The following UFC1 variants were observed in gnomAD, a reference collection of about 807,000 sequenced individuals.
UFC1 encodes the protein ubiquitin-fold modifier-conjugating enzyme 1.
Under a neutral mutation model 28.0 loss-of-function variants are expected in UFC1, and 22 were observed. That is an observed-to-expected ratio of 0.78 (90% CI 0.56 to 1.12). The LOEUF is 1.12. Ranked by LOEUF, UFC1 falls within the 50% of genes most tolerant of loss-of-function variation. The probability of loss-of-function intolerance (pLI) is 0.00; values close to 1 mark genes in which losing one functional copy is unlikely to be tolerated. For synonymous variants in UFC1, 61 were observed against 74.5 expected (o/e 0.82, Z 0.93); for missense variants, 189 against 207.8 (o/e 0.91, Z 0.56).
At position 161,154,064 on chromosome 1, in the gene UFC1, C is replaced by T; in HGVS notation, c.67C>T (p.Arg23Ter). The change falls in exon 1 of 6, where the codon CGA (arginine) becomes TGA (stop). Residue 23 changes from arginine (R) to a stop codon, truncating the protein, a stop_gained. Transcript: ENST00000368003. LOFTEE classifies it high-confidence loss of function. ...IPVLKTNAGP[R>*]DRELWVQRLK... ...GGTGCTGAAGACTAACGCCGGACCC[C>T]GAGATCGTGAGTTGTGGGTGCAGCG... is the stretch of plus-strand genomic sequence containing the variant. 2 of 1,614,086 alleles carry T rather than the reference C, an allele frequency of 1.2e-6. No homozygotes were observed. The highest frequency in any genetic ancestry group is 1.7e-6 in the Non-Finnish European group (2 of 1,180,026).
Position 161,158,486 on chromosome 1 carries a change from C to T in UFC1, c.498C>T (p.Asn166=), listed in dbSNP as rs1306545583. The change falls in exon 6 of 6, where the codon AAC becomes AAT. Residue 166 remains asparagine (N), a synonymous_variant. Coordinates refer to ENST00000368003, the MANE Select transcript of UFC1 (RefSeq NM_016406.4). Reference sequence around the variant, plus strand: ...TCATCCAACACAAAGAGAAATGCAACCAATGAAGAATCAAGCCACTGAGGC... The same window carrying T: ...TCATCCAACACAAAGAGAAATGCAATCAATGAAGAATCAAGCCACTGAGGC... ...KGVIQHKEKC[N]Q 2.0e-5 allele frequency: 33 copies of T among 1,614,032 alleles called. No homozygotes were observed. The highest frequency in any genetic ancestry group is 2.5e-5 in the Non-Finnish European group (30 of 1,180,034).
intron 1 of UFC1, 95 bp from the exon 2 acceptor site, chr1:161,156,842 CAATAAAAATAAAA>C: frequency 2.0e-6 from 2 of 1,012,516 alleles, no homozygotes; most frequent in South Asian, 3.1e-5. Flanking sequence ...GATTCCATCT[CAATAAAAATAAAA>C]AATAAAAAAA....
chr1:161,158,556 C>A lies in UFC1; in HGVS notation c.*64C>A. ...TAGGCTACGATACTATTTTCCTGTGCATCACACTTAACTCATCTAACTGCT... is the reference window on the plus strand; with the variant it reads ...TAGGCTACGATACTATTTTCCTGTGAATCACACTTAACTCATCTAACTGCT... On this transcript the variant is annotated 3_prime_UTR_variant, in exon 6 of 6. Transcript: ENST00000368003. The A allele has an allele frequency of 3.2e-6, 5 of 1,563,896 alleles. No individual in the cohort carries two copies. The Admixed American group carries it at 8.4e-5, about 26-fold the overall frequency.
chr1:161,158,203 G>C lies in UFC1; in HGVS notation c.415G>C (p.Ala139Pro). 2 of 1,614,178 alleles carry C rather than the reference G, an allele frequency of 1.2e-6. No individual in the cohort carries two copies. The highest frequency in any genetic ancestry group is 8.5e-7 in the Non-Finnish European group (1 of 1,180,030). Reference protein sequence around the residue: ...VPKFGLAHLMALGLGPWLAVE... With the variant: ...VPKFGLAHLMPLGLGPWLAVE... ...CAAATTTGGACTAGCTCATCTCATGGCTCTGGGGGTAAGTTTTGTGTATTT... is the reference window on the plus strand; with the variant it reads ...CAAATTTGGACTAGCTCATCTCATGCCTCTGGGGGTAAGTTTTGTGTATTT... Residue 139 changes from alanine (A) to proline (P), a missense_variant, in exon 5 of 6, where the codon GCT (alanine) becomes CCT (proline). Transcript: ENST00000368003.
intron 2 of UFC1, 82 bp from the exon 3 acceptor site, chr1:161,157,172 C>T (rs963348736): frequency 1.3e-6 from 2 of 1,579,880 alleles, no homozygotes; most frequent in African/African-American, 2.7e-5. Context: ...TATGAGTCTC[C>T]CAGGCTGGTG....
chr1:161,154,955 A>G (rs1334080379), intron 1 of UFC1, among the ~76,000 whole-genome samples: 1 of 152,184 alleles, frequency 6.6e-6, no homozygotes, highest in Non-Finnish European at 1.5e-5. Context: ...GCCTGCTTCA[A>G]AGACCAGCAG....
intron 4 of UFC1, 111 bp downstream of exon 4, chr1:161,157,804 TGG>T: frequency 1.1e-6 from 1 of 891,188 alleles, no homozygotes; most frequent in Non-Finnish European, 1.8e-6. Context: ...GCTTGATGTC[TGG>T]GTGATGGGAT....
chr1:161,158,059 G>A lies in UFC1; in HGVS notation c.333-62G>A, dbSNP rs797014678. ...ACTAGTAGTCTTCCTATGCCCCCAA[G>A]AGGCTGCTGTGCTTTATGGTAAACT... On this transcript the variant is annotated intron_variant, in intron 4 of 5. Transcript: ENST00000368003. 5 of 1,408,504 alleles carry A rather than the reference G, an allele frequency of 3.5e-6. No homozygotes were observed. The African/African-American group carries it at 7.1e-5, about 20-fold the overall frequency. 87.3% of individuals were successfully genotyped at this position (1,408,504 alleles called of 1,614,324 possible).
chr1:161,158,475 G>A lies in UFC1; in HGVS notation c.487G>A (p.Glu163Lys). ...TCAGAAGGGCGTCATCCAACACAAA[G>A]AGAAATGCAACCAATGAAGAATCAA... ...LIQKGVIQHK[E>K]KCNQ is the part of the protein sequence containing the mutation. The change falls in exon 6 of 6, where the codon GAG becomes AAG. Residue 163 changes from glutamate to lysine, a missense_variant. Transcript: ENST00000368003. The A allele has an allele frequency of 6.2e-7, 1 of 1,614,204 alleles. No individual in the cohort carries two copies. Among genetic ancestry groups the A allele is most frequent in the South Asian group, 1.1e-5 (1 of 91,086 alleles).
At chr1:161,157,571 C>T (rs1483200730) in intron 3 of UFC1, 46 bp from the exon 4 acceptor site, 1 of 1,562,044 alleles carries the variant, frequency 6.4e-7, no homozygotes, top group South Asian at 1.1e-5. Flanking sequence ...ATATTAGTTC[C>T]TTTCTATCCT....
chr1:161,157,244 T>C lies in UFC1; in HGVS notation c.192-10T>C. 1 of 1,614,250 alleles carries C rather than the reference T, an allele frequency of 6.2e-7. No homozygotes were observed. Among genetic ancestry groups the C allele is most frequent in the Non-Finnish European group, 8.5e-7 (1 of 1,180,042 alleles). On this transcript the variant is annotated splice_polypyrimidine_tract_variant and intron_variant, in intron 2 of 5. Coordinates refer to ENST00000368003, the MANE Select transcript of UFC1 (RefSeq NM_016406.4). ...AGGCAAATTGGACTGAGGTTTGGTC[T>C]TTGTTACAGGTGGTTTGGAAAATGC...
At chr1:161,154,164 G>A in intron 1 of UFC1, 44 bp downstream of exon 1, 11 of 1,609,812 alleles carry the variant, frequency 6.8e-6, no homozygotes, top group Non-Finnish European at 9.3e-6. Context: ...TAAGGGTTGG[G>A]AGAAATCAGG....
At position 161,154,029 on chromosome 1, in the gene UFC1, C is replaced by A; in HGVS notation, c.32C>A (p.Ser11Tyr). Reference sequence around the variant, plus strand: ...GATGAAGCCACGCGACGTGTTGTGTCTGAGATCCCGGTGCTGAAGACTAAC... The same window carrying A: ...GATGAAGCCACGCGACGTGTTGTGTATGAGATCCCGGTGCTGAAGACTAAC... MADEATRRVVSEIPVLKTNAG... is the reference protein window; with the variant it reads MADEATRRVVYEIPVLKTNAG... The change falls in exon 1 of 6, where the codon TCT becomes TAT. Residue 11 changes from serine to tyrosine, a missense_variant. Physicochemically the swap from Ser to Tyr is moderately radical, Grantham distance 144. Transcript: ENST00000368003. 1 of 1,614,116 alleles carries A rather than the reference C, an allele frequency of 6.2e-7. No individual in the cohort carries two copies. The highest frequency in any genetic ancestry group is 1.1e-5 in the South Asian group (1 of 91,080).
Position 161,158,164 on chromosome 1 carries a change from G to A in UFC1, c.376G>A (p.Ala126Thr). Residue 126 changes from alanine (A) to threonine (T), a missense_variant, in exon 5 of 6, where the codon GCC becomes ACC. Physicochemically the swap from Ala to Thr is moderately conservative, Grantham distance 58. Coordinates refer to ENST00000368003, the MANE Select transcript of UFC1 (RefSeq NM_016406.4). ...CLTDHFKPLW[A>T]RNVPKFGLAH... ...GACGGATCATTTCAAACCTTTGTGGGCCAGGAATGTGCCCAAATTTGGACT... is the reference window on the plus strand; with the variant it reads ...GACGGATCATTTCAAACCTTTGTGGACCAGGAATGTGCCCAAATTTGGACT... The A allele has an allele frequency of 6.2e-7, 1 of 1,614,176 alleles. No individual in the cohort carries two copies. Among genetic ancestry groups the A allele is most frequent in the Non-Finnish European group, 8.5e-7 (1 of 1,180,032 alleles).
chr1:161,156,957 A>G lies in UFC1; in HGVS notation c.131A>G (p.Glu44Gly), dbSNP rs1657526413. The G allele has an allele frequency of 6.2e-7, 1 of 1,614,094 alleles. No individual in the cohort carries two copies. Among genetic ancestry groups the G allele is most frequent in the South Asian group, 1.1e-5 (1 of 91,088 alleles). The change falls in exon 2 of 6, where the codon GAG becomes GGG. Residue 44 changes from glutamate (E) to glycine (G), a missense_variant. Glu to Gly is a moderately conservative substitution (Grantham distance 98). Transcript: ENST00000368003. ...EEYQSLIRYV[E>G]NNKNADNDWF... ...CTCATTCTCTGCTTTCAGTATGTGG[A>G]GAACAACAAGAATGCTGACAACGAT... is the stretch of plus-strand genomic sequence containing the variant.
chr1:161,157,964 G>C (rs1247132810), intron 4 of UFC1, 157 bp from the exon 5 acceptor site: 5 of 671,712 alleles, frequency 7.4e-6, no homozygotes, highest in Non-Finnish European at 1.3e-5. Flanking sequence ...TGCTGGCCTA[G>C]TGGGGTGCCA....
rs191173120 is a variant in UFC1, at chr1:161,157,016, C to T, written c.190C>T (p.Arg64Trp). The T allele has an allele frequency of 5.1e-5, 83 of 1,613,948 alleles. No individual in the cohort carries two copies. Among genetic ancestry groups the T allele is most frequent in the African/African-American group, 2.5e-4 (19 of 75,008 alleles). The change falls in exon 2 of 6, where the codon CGG becomes TGG. Residue 64 changes from arginine (R) to tryptophan (W), a missense_variant and splice_region_variant. Coordinates refer to ENST00000368003, the MANE Select transcript of UFC1 (RefSeq NM_016406.4). ...FRLESNKEGT[R>W]WFGKCWYIHD... ...ACTGGAGTCCAACAAGGAAGGAACT[C>T]GGTAGGTAGACCCTCTTGGGAGGTG...
intron 1 of UFC1, 109 bp downstream of exon 1, chr1:161,154,229 C>A: frequency 6.6e-7 from 1 of 1,512,182 alleles, no homozygotes; most frequent in Non-Finnish European, 9.0e-7. Flanking sequence ...AAGTTTAACG[C>A]CCAAATTCAT....
rs115695944 is a variant in UFC1 at position 161,156,964 on chromosome 1, C to T, written c.138C>T (p.Asn46=). The T allele has an allele frequency of 1.4e-4, 218 of 1,614,200 alleles. No individual in the cohort carries two copies. In the African/African-American group the frequency reaches 1.8e-3, roughly 13 times the overall value. The part of the protein sequence containing the change: ...YQSLIRYVEN[N]KNADNDWFRL... Reference sequence around the variant, plus strand: ...TCTGCTTTCAGTATGTGGAGAACAACAAGAATGCTGACAACGATTGGTTCC... The same window carrying T: ...TCTGCTTTCAGTATGTGGAGAACAATAAGAATGCTGACAACGATTGGTTCC... Residue 46 remains asparagine, a synonymous_variant, in exon 2 of 6, where the codon AAC becomes AAT. Coordinates refer to ENST00000368003, the MANE Select transcript of UFC1 (RefSeq NM_016406.4).
Sources: gnomAD v4.1 joint callset for allele counts (sites outside exome capture counted in the v4.1 genomes callset) on GRCh38, gnomAD v4.1.1 for gene constraint, MANE v1.5 for transcripts, NCBI Gene and HGNC (gene_info 2026-07-23, HGNC 2026-07-21) for gene names.